HCN1: variants seen among roughly 807,000 people sequenced by gnomAD.
HCN1 encodes hyperpolarization activated cyclic nucleotide gated potassium channel 1.
Under a neutral mutation model 78.9 loss-of-function variants are expected in HCN1, and 13 were observed. The ratio of observed to expected loss-of-function variants is 0.16; its 90% CI spans 0.11 to 0.26. The LOEUF is 0.26. Among genes scored for constraint, HCN1 ranks in the 10% least tolerant of loss-of-function variants. HCN1 has a pLI of 1.00. For missense variants in HCN1, 810 were observed against 1,154.3 expected, an observed-to-expected ratio of 0.70 and a Z score of 4.32; for synonymous variants, 552 against 455.5, an observed-to-expected ratio of 1.21 and a Z score of -2.70.
intron 3 of HCN1, among the ~76,000 whole-genome samples, chr5:45,420,122 A>G (rs551564075): frequency 6.6e-6 from 1 of 152,284 alleles, no homozygotes; most frequent in East Asian, 1.9e-4. Flanking sequence ...TAAAGAGCAA[A>G]TTTGCGAAGG....
chr5:45,396,314 T>G (rs1022168956), intron 4 of HCN1, among the ~76,000 whole-genome samples, 178 bp downstream of exon 4: 1 of 152,116 alleles, frequency 6.6e-6, no homozygotes, highest in Admixed American at 6.6e-5. Context: ...AAGCAAAAGA[T>G]ATGAGAACTA....
chr5:45,599,740 T>C (rs999863666), intron 2 of HCN1, among the ~76,000 whole-genome samples: 1 of 152,170 alleles, frequency 6.6e-6, no homozygotes, highest in Non-Finnish European at 1.5e-5. Flanking sequence ...AGACTCGTGA[T>C]GTTTGCCATG....
chr5:45,562,658 C>A (rs2625501), intron 2 of HCN1, among the ~76,000 whole-genome samples: 27 of 151,974 alleles, frequency 1.8e-4, no homozygotes, highest in African/African-American at 5.8e-4. Context: ...TGAGATGAAT[C>A]CTGTGATTTA....
intron 2 of HCN1, among the ~76,000 whole-genome samples, chr5:45,510,042 C>T (rs1343878868): frequency 1.3e-5 from 2 of 152,100 alleles, no homozygotes; most frequent in Non-Finnish European, 2.9e-5. Context: ...ATACCAAACA[C>T]TTCACATCCG....
Position 45,461,891 on chromosome 5 carries a change from C to A in HCN1, c.966G>T (p.Leu322=). Residue 322 remains leucine (L), a synonymous_variant, in exon 3 of 8, where the codon CTG becomes CTT. Transcript: ENST00000303230. ...CCCAGCAATCTGGTGGGAAGTCCTG[C>A]AGTAGTGGTACTAAGAACTGAAGAC... ...DGCLQFLVPL[L]QDFPPDCWVS... 6.2e-7 allele frequency: 1 copy of A among 1,613,454 alleles called. No individual in the cohort carries two copies. The highest frequency in any genetic ancestry group is 1.6e-4 in the Middle Eastern group (1 of 6,062).
intron 3 of HCN1, among the ~76,000 whole-genome samples, chr5:45,454,466 CCTTTGT>C (rs1257861207): frequency 3.3e-5 from 5 of 149,442 alleles, no homozygotes; most frequent in East Asian, 2.0e-4. Context: ...AATTAGTTAC[CCTTTGT>C]TAGGTCTTAA....
intron 2 of HCN1, among the ~76,000 whole-genome samples, chr5:45,518,410 G>A (rs1742552258): frequency 6.6e-6 from 1 of 151,982 alleles, no homozygotes; most frequent in African/African-American, 2.4e-5. Context: ...TGGTGTGGCA[G>A]CCTGATCACA....
intron 2 of HCN1, among the ~76,000 whole-genome samples, chr5:45,494,318 C>T (rs1304699817): frequency 3.3e-5 from 5 of 152,140 alleles, no homozygotes; most frequent in East Asian, 3.9e-4. Flanking sequence ...TGGTATCTCA[C>T]TGTGGTTTTG....
chr5:45,282,032 T>G (rs1745180017), intron 6 of HCN1, among the ~76,000 whole-genome samples: 2 of 152,218 alleles, frequency 1.3e-5, no homozygotes, highest in Non-Finnish European at 2.9e-5. Flanking sequence ...AGATTATTTA[T>G]TTTGGTAGAG....
intron 5 of HCN1, among the ~76,000 whole-genome samples, chr5:45,352,015 TC>T (rs1168877402): frequency 1.3e-5 from 2 of 152,156 alleles, no homozygotes; most frequent in African/African-American, 2.4e-5. Context: ...GACCCAGCCA[TC>T]CCATTACTGG....
At chr5:45,446,682 G>A (rs13176065) in intron 3 of HCN1, among the ~76,000 whole-genome samples, 1 of 152,196 alleles carries the variant, frequency 6.6e-6, no homozygotes, top group East Asian at 1.9e-4. Flanking sequence ...GACTAACAGT[G>A]GATCTCTCAG....
chr5:45,505,978 T>G (rs1742288528), intron 2 of HCN1, among the ~76,000 whole-genome samples: 1 of 152,150 alleles, frequency 6.6e-6, no homozygotes, highest in Admixed American at 6.6e-5. Flanking sequence ...TAAGTTCAAA[T>G]GTAAATAATT....
At chr5:45,549,209 A>G (rs1743302250) in intron 2 of HCN1, among the ~76,000 whole-genome samples, 1 of 152,188 alleles carries the variant, frequency 6.6e-6, no homozygotes, top group East Asian at 1.9e-4. Flanking sequence ...AGCCAAAAGA[A>G]CAAAGCTGGA....
chr5:45,610,430 A>C (rs1744809849), intron 2 of HCN1, among the ~76,000 whole-genome samples: 2 of 151,684 alleles, frequency 1.3e-5, no homozygotes, highest in South Asian at 2.1e-4. Context: ...GAAGACTGAA[A>C]GTATTTCAGT....
chr5:45,291,985 G>A (rs1019057522), intron 6 of HCN1, among the ~76,000 whole-genome samples: 4 of 151,634 alleles, frequency 2.6e-5, no homozygotes, highest in African/African-American at 9.7e-5. Flanking sequence ...ATCCATGAAT[G>A]CTAGAATTTT....
At chr5:45,567,301 A>AACACAACAACC (rs1183517812) in intron 2 of HCN1, among the ~76,000 whole-genome samples, 1 of 151,792 alleles carries the variant, frequency 6.6e-6, no homozygotes, top group African/African-American at 2.4e-5. Context: ...TGGCTCTGCT[A>AACACAACAACC]ACACAACAAT....
At chr5:45,560,321 TTATATC>T (rs1266342468) in intron 2 of HCN1, among the ~76,000 whole-genome samples, 1 of 152,038 alleles carries the variant, frequency 6.6e-6, no homozygotes, top group Non-Finnish European at 1.5e-5. Flanking sequence ...TTTTAAAAAT[TTATATC>T]TATATAGAAC....
chr5:45,305,054 G>T (rs771443050), intron 5 of HCN1, among the ~76,000 whole-genome samples: 2 of 152,230 alleles, frequency 1.3e-5, no homozygotes, highest in South Asian at 2.1e-4. Context: ...CCCCAAAAAA[G>T]GTTGGGACTG....
At chr5:45,327,749 G>C (rs543516046) in intron 5 of HCN1, among the ~76,000 whole-genome samples, 2 of 151,586 alleles carry the variant, frequency 1.3e-5, no homozygotes, top group South Asian at 4.1e-4. Context: ...TGGCTGACTG[G>C]CGTCCTTTTA....
Sources: gnomAD v4.1 joint callset for allele counts (sites outside exome capture counted in the v4.1 genomes callset) on GRCh38, gnomAD v4.1.1 for gene constraint, MANE v1.5 for transcripts, NCBI Gene and HGNC (gene_info 2026-07-23, HGNC 2026-07-21) for gene names.